Variants in CLN8 observed in about 807,000 individuals in gnomAD.
CLN8 encodes the protein protein CLN8.
CLN8 carries 14 observed loss-of-function variants against 15.7 expected under a neutral mutation model. The observed-to-expected ratio is 0.89, with a 90% confidence interval of 0.59 to 1.39. CLN8 has a LOEUF of 1.39. Among genes scored for constraint, CLN8 ranks in the 40% most tolerant of loss-of-function variants. CLN8 has a pLI of 0.00. For missense variants in CLN8, 415 were observed against 364.0 expected (o/e 1.14, Z -1.14); for synonymous variants, 188 against 151.0 (o/e 1.25, Z -1.80).
chr8:1,777,172 T>C (rs905359291), intron 2 of CLN8, among the ~76,000 whole-genome samples: 1 of 152,220 alleles, frequency 6.6e-6, no homozygotes, highest in Non-Finnish European at 1.5e-5. Flanking sequence ...ATGGCTGTAC[T>C]GAATACTGTA....
At chr8:1,778,858 T>A (rs894173884) in intron 2 of CLN8, among the ~76,000 whole-genome samples, 5 of 152,206 alleles carry the variant, frequency 3.3e-5, no homozygotes, top group African/African-American at 7.2e-5. Flanking sequence ...CAGGATGGGG[T>A]TACATCCCAA....
chr8:1,770,646 G>A lies in CLN8; in HGVS notation c.-123-286G>A, dbSNP rs368258477. Among the ~76,000 whole-genome samples, 154 of 152,266 alleles carry A rather than the reference G, an allele frequency of 1.0e-3. 2 individuals carry two copies. The South Asian group carries it at 0.031, about 30-fold the overall frequency. On this transcript the variant is annotated intron_variant, in intron 1 of 2. Transcript: ENST00000331222. The stretch of plus-strand genomic sequence containing the variant: ...GACTGATTGGGACTGCTGTGAAGGC[G>A]GGAGACTTGCTGGTGGGGTGCACAT...
upstream of CLN8, among the ~76,000 whole-genome samples, chr8:1,760,776 C>T (rs533163827): frequency 1.3e-5 from 2 of 152,298 alleles, no homozygotes; most frequent in African/African-American, 4.8e-5. Flanking sequence ...GAACTCAAGG[C>T]AGTCGCAGAG....
intron 2 of CLN8, among the ~76,000 whole-genome samples, chr8:1,777,296 C>T (rs1372467367): frequency 2.0e-5 from 3 of 152,140 alleles, no homozygotes; most frequent in Middle Eastern, 3.2e-3. Flanking sequence ...GCAGGGCGTT[C>T]ACTGGGAATG....
At chr8:1,763,946 G>A (rs1364147194) in intron 1 of CLN8, 61 bp downstream of exon 1, 1 of 148,618 alleles carries the variant, frequency 6.7e-6, no homozygotes, top group African/African-American at 2.5e-5. Context: ...GCCCAGGTGA[G>A]CGCGCGGGGT....
chr8:1,761,163 G>A (rs1256491905), upstream of CLN8, among the ~76,000 whole-genome samples: 3 of 151,536 alleles, frequency 2.0e-5, no homozygotes, highest in Non-Finnish European at 4.4e-5. Flanking sequence ...GGGATTACAG[G>A]CTACTGTAAC....
Position 1,779,760 on chromosome 8 carries a change from G to A in CLN8, c.544-490G>A, listed in dbSNP as rs907481173. ...CTTCTGGCTGTGTCCTAGCATGGAG[G>A]AGGGGAAGGCTCTGGTCTCTTTCTC... On this transcript the variant is annotated intron_variant, in intron 2 of 2. Coordinates refer to ENST00000331222, the MANE Select transcript of CLN8 (RefSeq NM_018941.4). 3.9e-5 allele frequency among the ~76,000 whole-genome samples: 6 copies of A among 152,196 alleles called. 1 individual carries two copies. Among genetic ancestry groups the A allele is most frequent in the African/African-American group, 1.4e-4 (6 of 41,450 alleles).
At position 1,780,029 on chromosome 8, in the gene CLN8, G is replaced by A. The variant is rs1231460621; in HGVS notation, c.544-221G>A. On this transcript the variant is annotated intron_variant, in intron 2 of 2. Coordinates refer to ENST00000331222, the MANE Select transcript of CLN8 (RefSeq NM_018941.4). Reference sequence around the variant, plus strand: ...AGAGGAGCAGGAAAACAGCATGAGCGGGCAAGGGTCAGCCCTGCTGGCCCA... The same window carrying A: ...AGAGGAGCAGGAAAACAGCATGAGCAGGCAAGGGTCAGCCCTGCTGGCCCA... The A allele has an allele frequency of 4.1e-6, 4 of 985,356 alleles. No homozygotes were observed. In the African/African-American group the frequency reaches 5.2e-5, roughly 13 times the overall value. The allele number at this position is 985,356 out of a possible 1,614,324, so 61.0% of individuals were successfully genotyped here.
upstream of CLN8, among the ~76,000 whole-genome samples, chr8:1,755,444 C>T (rs1800647968): frequency 1.3e-5 from 2 of 152,204 alleles, no homozygotes. Flanking sequence ...AGACCCCTCC[C>T]CACCTTTGTG....
At chr8:1,753,666 A>G, upstream of CLN8, among the ~76,000 whole-genome samples, 1 of 151,406 alleles carries the variant, frequency 6.6e-6, no homozygotes, top group Non-Finnish European at 1.5e-5. Flanking sequence ...CAGGCAGATC[A>G]TGAGGTCAGG....
chr8:1,768,536 A>C (rs1200326191), intron 1 of CLN8, among the ~76,000 whole-genome samples: 5 of 152,228 alleles, frequency 3.3e-5, no homozygotes, highest in Non-Finnish European at 5.9e-5. Flanking sequence ...AATGGGACCT[A>C]TAAGTCAGAG....
In CLN8 at chr8:1,770,805, C is replaced by T. The variant is rs4875957; in HGVS notation, c.-123-127C>T. 470,903 of 586,928 alleles carry T rather than the reference C, an allele frequency of 0.8. 189,842 individuals are homozygous for T. The highest frequency in any genetic ancestry group is 0.85 in the African/African-American group (45,540 of 53,706). The allele number at this position is 586,928 out of a possible 1,614,324, so 36.4% of individuals were successfully genotyped here. A position where few individuals can be genotyped will look rare whatever the true frequency, so the allele number is the denominator to read the frequency against. On this transcript the variant is annotated intron_variant, in intron 1 of 2. Coordinates refer to ENST00000331222, the MANE Select transcript of CLN8 (RefSeq NM_018941.4). ...GATGTTACCTTGGTATGTTTATGCA[C>T]CCTTGTAAGTTCATTAAGAATAAGG...
chr8:1,771,678 A>G lies in CLN8; in HGVS notation c.543+81A>G. The G allele has an allele frequency of 2.3e-6, 3 of 1,296,326 alleles. No individual in the cohort carries two copies. The South Asian group carries it at 3.7e-5, about 16-fold the overall frequency. The allele number at this position is 1,296,326 out of a possible 1,614,324, so 80.3% of individuals were successfully genotyped here. A position where few individuals can be genotyped will look rare whatever the true frequency, so the allele number is the denominator to read the frequency against. ...TACAATGTCCTGGACGCTGCCATAA[A>G]CTCAACAGCAGGCTGGATTGCAGCA... On this transcript the variant is annotated intron_variant, in intron 2 of 2. Coordinates refer to ENST00000331222, the MANE Select transcript of CLN8 (RefSeq NM_018941.4).
chr8:1,760,870 C>G (rs1356498759), upstream of CLN8, among the ~76,000 whole-genome samples: 2 of 152,128 alleles, frequency 1.3e-5, no homozygotes, highest in Non-Finnish European at 2.9e-5. Context: ...GTTTCAAAGG[C>G]ATCTTGTATC....
At chr8:1,754,131 C>T (rs1442532669), upstream of CLN8, among the ~76,000 whole-genome samples, 1 of 152,134 alleles carries the variant, frequency 6.6e-6, no homozygotes, top group Non-Finnish European at 1.5e-5. Context: ...GCAACCTTGG[C>T]GTTACTAGCA....
chr8:1,762,643 T>C (rs1204328874), upstream of CLN8: 1 of 152,246 alleles, frequency 6.6e-6, no homozygotes, highest in Non-Finnish European at 1.5e-5. Flanking sequence ...TATAATAATT[T>C]TGAAATGTTT....
rs766172825 is a variant in CLN8 at position 1,780,551 on chromosome 8, G to A, written c.845G>A (p.Arg282Gln). 1.2e-5 allele frequency: 19 copies of A among 1,613,962 alleles called. No individual in the cohort carries two copies. In the South Asian group the frequency reaches 1.2e-4, roughly 10 times the overall value. The change falls in exon 3 of 3, where the codon CGG (arginine) becomes CAG (glutamine). Residue 282 changes from arginine to glutamine, a missense_variant. Transcript: ENST00000331222. ...CCAGAAGGCAACGGGCAGCTGCTGC[G>A]GAAGAAGAGGCCATAGCTGCTCCAG... ...SRPEGNGQLL[R>Q]KKRP is the part of the protein sequence containing the mutation.
upstream of CLN8, among the ~76,000 whole-genome samples, chr8:1,755,279 A>C (rs1800642175): frequency 6.6e-6 from 1 of 152,168 alleles, no homozygotes; most frequent in African/African-American, 2.4e-5. Context: ...AGTCTATGTC[A>C]TGCATTAAAC....
chr8:1,754,311 T>A (rs562690766), upstream of CLN8, among the ~76,000 whole-genome samples: 1 of 152,350 alleles, frequency 6.6e-6, no homozygotes, highest in Admixed American at 6.5e-5. Flanking sequence ...AACAACTGTC[T>A]TGGTAAATTC....
Sources: gnomAD v4.1 joint callset for allele counts (sites outside exome capture counted in the v4.1 genomes callset) on GRCh38, gnomAD v4.1.1 for gene constraint, MANE v1.5 for transcripts, NCBI Gene and HGNC (gene_info 2026-07-23, HGNC 2026-07-21) for gene names.